The following TERB1 variants were observed in gnomAD, a reference collection of about 807,000 sequenced individuals.
The protein encoded by TERB1 is telomere repeats-binding bouquet formation protein 1.
In TERB1, 63 loss-of-function variants were observed where a neutral mutation model predicts 92.3. The observed-to-expected ratio is 0.68, with a 90% confidence interval of 0.56 to 0.84. TERB1 has a LOEUF of 0.84. Ranked by LOEUF, TERB1 falls within the 40% of genes least tolerant of loss-of-function variation. TERB1 has a pLI of 0.00. For missense variants in TERB1, 709 were observed against 843.7 expected, an observed-to-expected ratio of 0.84 and a Z score of 1.98; for synonymous variants, 252 against 283.9, an observed-to-expected ratio of 0.89 and a Z score of 1.13.
intron 13 of TERB1, among the ~76,000 whole-genome samples, chr16:66,771,587 T>C (rs1225802928): frequency 6.6e-6 from 1 of 151,970 alleles, no homozygotes; most frequent in Non-Finnish European, 1.5e-5. Flanking sequence ...GTACTTTAAA[T>C]GGGTGAACTG....
At chr16:66,781,361 T>A (rs1567473984) in intron 9 of TERB1, among the ~76,000 whole-genome samples, 1 of 152,188 alleles carries the variant, frequency 6.6e-6, no homozygotes, top group South Asian at 2.1e-4. Flanking sequence ...CCAGCCAATC[T>A]TAAACATCTT....
chr16:66,772,657 C>CA lies in TERB1; in HGVS notation c.1203dup (p.Glu402Ter). ...TCCTTTGCTTTCCTCCAGTGCTCTT[C>CA]AAGATTATTCTCCTTCACACTTATG... is the stretch of plus-strand genomic sequence containing the variant. On this transcript the variant is annotated frameshift_variant, in exon 13 of 19. Coordinates refer to ENST00000433154, the MANE Select transcript of TERB1 (RefSeq NM_001136505.2). LOFTEE classifies it high-confidence loss of function. 1.3e-6 allele frequency: 2 copies of CA among 1,551,122 alleles called. No homozygotes were observed. The highest frequency in any genetic ancestry group is 1.7e-6 in the Non-Finnish European group (2 of 1,146,352).
At chr16:66,768,360 G>A (rs1359534964) in intron 14 of TERB1, among the ~76,000 whole-genome samples, 192 bp from the exon 15 acceptor site, 3 of 152,090 alleles carry the variant, frequency 2.0e-5, no homozygotes, top group African/African-American at 4.8e-5. Flanking sequence ...TCTAGAGCTC[G>A]AGTCAAACAA....
At chr16:66,759,357 C>A in intron 16 of TERB1, 67 bp from the exon 17 acceptor site, 2 of 1,267,336 alleles carry the variant, frequency 1.6e-6, no homozygotes, top group Non-Finnish European at 2.2e-6. Flanking sequence ...TCTATGATAG[C>A]AAATATCTAT....
chr16:66,771,905 C>T (rs951736118), intron 13 of TERB1, among the ~76,000 whole-genome samples: 3 of 152,026 alleles, frequency 2.0e-5, no homozygotes, highest in African/African-American at 7.2e-5. Flanking sequence ...AGCATGCATA[C>T]ATAGAAAAAT....
At chr16:66,782,868 G>A (rs1188318690) in intron 9 of TERB1, among the ~76,000 whole-genome samples, 2 of 152,156 alleles carry the variant, frequency 1.3e-5, no homozygotes, top group Non-Finnish European at 2.9e-5. Flanking sequence ...TACTCTGTGT[G>A]TGTGTGGCTG....
At chr16:66,801,654 C>A (rs1281318211), upstream of TERB1, 1 of 152,216 alleles carries the variant, frequency 6.6e-6, no homozygotes, top group Admixed American at 6.5e-5. Flanking sequence ...AGCCCCGCCG[C>A]CCCTGCAAGG....
intron 16 of TERB1, among the ~76,000 whole-genome samples, chr16:66,760,909 C>T (rs2018231222): frequency 1.4e-5 from 2 of 142,718 alleles, no homozygotes; most frequent in African/African-American, 2.6e-5. Flanking sequence ...GTCAGGAGTT[C>T]GAGACCAGCC....
At chr16:66,788,542 G>C (rs1017414269) in intron 5 of TERB1, among the ~76,000 whole-genome samples, 1 of 139,568 alleles carries the variant, frequency 7.2e-6, no homozygotes, top group Non-Finnish European at 1.6e-5. Flanking sequence ...AAATCCCCTA[G>C]AATTTACAAT....
chr16:66,755,243 C>T, intron 18 of TERB1, 80 bp from the exon 19 acceptor site: 5 of 831,624 alleles, frequency 6.0e-6, no homozygotes, highest in Admixed American at 2.5e-5. Flanking sequence ...TTTGGATATG[C>T]TTAACTTATA....
intron 16 of TERB1, among the ~76,000 whole-genome samples, chr16:66,760,701 G>A (rs1325957396): frequency 3.6e-5 from 4 of 112,366 alleles, no homozygotes; most frequent in Non-Finnish European, 5.2e-5. Context: ...CAGGAGAATC[G>A]CTTGAACCCG....
rs752017072 is a variant in TERB1, at chr16:66,786,281, G to A, written c.405C>T (p.Thr135=). ...CTGTTTCTCTCACAAGTGTTTGTCC[G>A]GTCCCTTAAAAAAATAGCCATATAA... ...VILVLVSNNR[T]GQTLVRETGC... Residue 135 remains threonine (T), a synonymous_variant, in exon 7 of 19, where the codon ACC becomes ACT. Transcript: ENST00000433154. The A allele has an allele frequency of 3.9e-5, 60 of 1,543,056 alleles. No homozygotes were observed. The highest frequency in any genetic ancestry group is 1.7e-4 in the Middle Eastern group (1 of 5,898).
At chr16:66,757,131 G>A (rs572745159) in intron 18 of TERB1, among the ~76,000 whole-genome samples, 3 of 152,156 alleles carry the variant, frequency 2.0e-5, no homozygotes, top group East Asian at 3.9e-4. Flanking sequence ...ATTCCTGGCC[G>A]GCTTGTGAAA....
chr16:66,793,679 AT>A (rs1013790300), intron 3 of TERB1, among the ~76,000 whole-genome samples: 1 of 151,608 alleles, frequency 6.6e-6, no homozygotes, highest in African/African-American at 2.4e-5. Flanking sequence ...GCCCAGCTAA[AT>A]TTTTTTTATT....
At chr16:66,794,176 T>C (rs927118180) in intron 3 of TERB1, among the ~76,000 whole-genome samples, 2 of 152,068 alleles carry the variant, frequency 1.3e-5, no homozygotes, top group African/African-American at 4.8e-5. Context: ...CACAGGGCAC[T>C]GTAGCCTCAA....
At chr16:66,772,286 C>G (rs1006909260) in intron 13 of TERB1, among the ~76,000 whole-genome samples, 5 of 152,140 alleles carry the variant, frequency 3.3e-5, no homozygotes, top group Non-Finnish European at 5.9e-5. Flanking sequence ...TCAAGACCAG[C>G]CTGGCCAACA....
intron 16 of TERB1, among the ~76,000 whole-genome samples, chr16:66,766,462 AAGG>A (rs762011709): frequency 6.6e-6 from 1 of 152,154 alleles, no homozygotes; most frequent in East Asian, 1.9e-4. Flanking sequence ...CCGGGGTGTG[AAGG>A]AGGAGGAGAA....
At chr16:66,768,420 G>T (rs1176445984) in intron 14 of TERB1, among the ~76,000 whole-genome samples, 1 of 152,130 alleles carries the variant, frequency 6.6e-6, no homozygotes, top group Non-Finnish European at 1.5e-5. Flanking sequence ...GGAAGAAAAA[G>T]ATTATAAAAA....
intron 2 of TERB1, among the ~76,000 whole-genome samples, chr16:66,799,357 G>A (rs868659035): frequency 2.0e-5 from 3 of 151,944 alleles, no homozygotes; most frequent in Non-Finnish European, 2.9e-5. Flanking sequence ...CCTCCTGAGT[G>A]GCTGGAATTA....
Sources: allele counts gnomAD v4.1 joint callset (sites outside exome capture counted in the v4.1 genomes callset), GRCh38; gene constraint gnomAD v4.1.1; transcripts MANE v1.5; gene names NCBI Gene and HGNC (gene_info 2026-07-23, HGNC 2026-07-21).